Variants in LINGO2 observed in about 807,000 individuals in gnomAD.
The protein encoded by LINGO2 is leucine rich repeat and Ig domain containing 2.
In LINGO2, 14 loss-of-function variants were observed where a neutral mutation model predicts 30.6. The ratio of observed to expected loss-of-function variants is 0.46; its 90% CI spans 0.30 to 0.72. The LOEUF (loss-of-function observed/expected upper bound fraction) is 0.72, where lower values mean the gene tolerates loss of function less well. Ranked by LOEUF, LINGO2 falls within the 30% of genes least tolerant of loss-of-function variation. The pLI is 0.07. For synonymous variants in LINGO2, 317 were observed against 288.5 expected (o/e 1.10, Z -1.00); for missense variants, 729 against 751.7 (o/e 0.97, Z 0.35).
chr9:28,370,992 C>G (rs1335229891), intron 3 of LINGO2, among the ~76,000 whole-genome samples: 1 of 152,140 alleles, frequency 6.6e-6, no homozygotes, highest in East Asian at 1.9e-4. Flanking sequence ...TGCAAGCCAT[C>G]AGAAGTATCT....
intron 1 of LINGO2, among the ~76,000 whole-genome samples, chr9:28,568,205 A>T (rs1823489319): frequency 6.6e-6 from 1 of 152,098 alleles, no homozygotes; most frequent in African/African-American, 2.4e-5. Flanking sequence ...GGAGCAAAAA[A>T]ATCTGAAAAC....
chr9:28,660,073 T>G (rs1338450881), intron 1 of LINGO2, among the ~76,000 whole-genome samples: 1 of 152,090 alleles, frequency 6.6e-6, no homozygotes, highest in African/African-American at 2.4e-5. Context: ...GAAGTTGTCA[T>G]CGGGATTAAA....
At chr9:28,252,371 A>G (rs1031228381) in intron 4 of LINGO2, among the ~76,000 whole-genome samples, 4 of 151,934 alleles carry the variant, frequency 2.6e-5, no homozygotes, top group South Asian at 2.1e-4. Flanking sequence ...GACTACAGGC[A>G]CGCATCACTA....
At chr9:28,354,344 C>G (rs1031788398) in intron 3 of LINGO2, among the ~76,000 whole-genome samples, 1 of 151,996 alleles carries the variant, frequency 6.6e-6, no homozygotes, top group Non-Finnish European at 1.5e-5. Flanking sequence ...TCATGTTAAC[C>G]TATTGCTTCA....
chr9:28,584,658 C>G (rs1024736753), intron 1 of LINGO2, among the ~76,000 whole-genome samples: 3 of 151,876 alleles, frequency 2.0e-5, no homozygotes, highest in Admixed American at 2.0e-4. Flanking sequence ...ATGACTAATT[C>G]TTATAATAGA....
the LINGO2 span, among the ~76,000 whole-genome samples, chr9:28,982,016 A>G: frequency 6.6e-6 from 1 of 152,098 alleles, no homozygotes; most frequent in Non-Finnish European, 1.5e-5. Context: ...AAAGAGTCTA[A>G]TTTTATTTCA....
chr9:28,011,938 C>A (rs1822576059), intron 5 of LINGO2, among the ~76,000 whole-genome samples: 1 of 150,762 alleles, frequency 6.6e-6, no homozygotes, highest in Non-Finnish European at 1.5e-5. Flanking sequence ...CTGTTAACCC[C>A]AAGCCTCTGA....
chr9:28,809,737 C>A, the LINGO2 span, among the ~76,000 whole-genome samples: 14,509 of 129,168 alleles, frequency 0.11, 812 homozygotes, highest in Middle Eastern at 0.16. Context: ...CAGGGCCAGA[C>A]TCTGTCTCAA....
At chr9:29,135,902 C>T in the LINGO2 span, among the ~76,000 whole-genome samples, 1 of 152,066 alleles carries the variant, frequency 6.6e-6, no homozygotes, top group Non-Finnish European at 1.5e-5. Flanking sequence ...GGCTTATTTC[C>T]CTTAGCATAA....
chr9:28,870,605 T>A, the LINGO2 span, among the ~76,000 whole-genome samples: 1 of 152,130 alleles, frequency 6.6e-6, no homozygotes, highest in Non-Finnish European at 1.5e-5. Flanking sequence ...GGTCATAAAC[T>A]GTGCCTTAGT....
At chr9:28,590,373 A>G (rs1328405457) in intron 1 of LINGO2, among the ~76,000 whole-genome samples, 3 of 152,158 alleles carry the variant, frequency 2.0e-5, no homozygotes, top group Non-Finnish European at 4.4e-5. Flanking sequence ...CAGGCAACCT[A>G]CAGAATGGGA....
At chr9:28,856,441 T>C in the LINGO2 span, among the ~76,000 whole-genome samples, 1 of 152,042 alleles carries the variant, frequency 6.6e-6, no homozygotes. Context: ...GGTGGTTCTA[T>C]GTGTTTTATG....
At chr9:29,038,357 ATCT>A in the LINGO2 span, among the ~76,000 whole-genome samples, 1 of 152,046 alleles carries the variant, frequency 6.6e-6, no homozygotes, top group Non-Finnish European at 1.5e-5. Context: ...AAGGTTGATC[ATCT>A]TCTTATGTTT....
At chr9:29,209,613 T>A in the LINGO2 span, among the ~76,000 whole-genome samples, 22 of 152,134 alleles carry the variant, frequency 1.4e-4, no homozygotes, top group Non-Finnish European at 5.9e-5. Context: ...ATTTAACCTT[T>A]CCCTCATATT....
rs1820972980 is a variant in LINGO2, at chr9:27,983,366, G to T, written c.-36+28989C>A. On this transcript the variant is annotated intron_variant, in intron 5 of 5. Transcript: ENST00000379992. ...ATTTGAAGTAGGTGGGACCTTAACG[G>T]AAAAGAGGCACAGTGAGGAAGTGAG... Among the ~76,000 whole-genome samples the T allele has an allele frequency of 4.6e-5, 7 of 151,824 alleles. No individual in the cohort carries two copies. In the South Asian group the frequency reaches 1.5e-3, roughly 31 times the overall value.
chr9:28,314,085 C>T (rs917484790), intron 3 of LINGO2, among the ~76,000 whole-genome samples: 8 of 152,194 alleles, frequency 5.3e-5, no homozygotes, highest in African/African-American at 1.7e-4. Context: ...CAGGCGCCCA[C>T]CACCTCGCCC....
At chr9:29,002,348 T>C in the LINGO2 span, among the ~76,000 whole-genome samples, 1 of 152,060 alleles carries the variant, frequency 6.6e-6, no homozygotes, top group Non-Finnish European at 1.5e-5. Context: ...GACAAATGTC[T>C]CAGGAGGGTA....
At chr9:28,758,802 C>A in the LINGO2 span, among the ~76,000 whole-genome samples, 1 of 152,038 alleles carries the variant, frequency 6.6e-6, no homozygotes, top group South Asian at 2.1e-4. Context: ...TAGAAGGTAT[C>A]ATTAGCTTTT....
intron 1 of LINGO2, among the ~76,000 whole-genome samples, chr9:28,655,612 T>C (rs1337489518): frequency 6.6e-6 from 1 of 152,014 alleles, no homozygotes; most frequent in Admixed American, 6.6e-5. Context: ...AATCCCCGCA[T>C]GTTATGAGAG....
Sources: allele counts gnomAD v4.1 joint callset (sites outside exome capture counted in the v4.1 genomes callset), GRCh38; gene constraint gnomAD v4.1.1; transcripts MANE v1.5; gene names NCBI Gene and HGNC (gene_info 2026-07-23, HGNC 2026-07-21).